Variants in IMMP2L observed in about 807,000 individuals in gnomAD.
The protein encoded by IMMP2L is mitochondrial inner membrane protease subunit 2.
IMMP2L carries 18 observed loss-of-function variants against 19.3 expected under a neutral mutation model. The observed-to-expected ratio is 0.93, with a 90% confidence interval of 0.64 to 1.38. The LOEUF is 1.38. Ranked by LOEUF, IMMP2L falls within the 40% of genes most tolerant of loss-of-function variation. IMMP2L has a pLI of 0.00. For missense variants in IMMP2L, 233 were observed against 218.2 expected (o/e 1.07, Z -0.43); for synonymous variants, 76 against 73.0 (o/e 1.04, Z -0.21).
chr7:111,188,949 T>C (rs1808571441), intron 3 of IMMP2L, among the ~76,000 whole-genome samples: 1 of 152,074 alleles, frequency 6.6e-6, no homozygotes, highest in African/African-American at 2.4e-5. Context: ...AGATCAGAAC[T>C]ACAGATATGG....
intron 5 of IMMP2L, among the ~76,000 whole-genome samples, chr7:110,694,451 T>G (rs1457767460): frequency 6.6e-6 from 1 of 152,150 alleles, no homozygotes; most frequent in Non-Finnish European, 1.5e-5. Flanking sequence ...CCAGTAAGTC[T>G]CAGGGGAAAA....
intron 3 of IMMP2L, among the ~76,000 whole-genome samples, chr7:110,993,274 T>C (rs1055610984): frequency 5.9e-5 from 9 of 152,174 alleles, no homozygotes; most frequent in African/African-American, 1.7e-4. Flanking sequence ...TCCTTCTTCC[T>C]TGCTGCCCTC....
intron 5 of IMMP2L, among the ~76,000 whole-genome samples, chr7:110,847,525 C>T (rs799620): frequency 0.54 from 81,326 of 151,842 alleles, 22,849 homozygotes; most frequent in East Asian, 0.8. Flanking sequence ...TTCAACATAA[C>T]CTCAATCAAA....
Position 111,098,701 on chromosome 7 carries a change from G to A in IMMP2L, c.240-135136C>T, listed in dbSNP as rs150316763. On this transcript the variant is annotated intron_variant, in intron 3 of 5. Coordinates refer to ENST00000405709, the MANE Select transcript of IMMP2L (RefSeq NM_032549.4). ...TTCATAACGACCGTACTAAGTAAGC[G>A]CTATGTTTAACCCATTTTACCAACG... 5.1e-4 allele frequency among the ~76,000 whole-genome samples: 77 copies of A among 151,792 alleles called. No homozygotes were observed. In the East Asian group the frequency reaches 0.012, roughly 24 times the overall value.
intron 3 of IMMP2L, among the ~76,000 whole-genome samples, chr7:111,467,835 G>A (rs1246743955): frequency 1.3e-5 from 2 of 152,082 alleles, no homozygotes; most frequent in Non-Finnish European, 2.9e-5. Context: ...AGGTCTCCAA[G>A]AAGTAGTACA....
chr7:110,810,024 T>G (rs897737697), intron 5 of IMMP2L, among the ~76,000 whole-genome samples: 2 of 152,038 alleles, frequency 1.3e-5, no homozygotes, highest in African/African-American at 4.8e-5. Flanking sequence ...GTGGCTGGTG[T>G]AAAGGCTTCC....
chr7:111,299,889 C>G (rs1392479529), intron 3 of IMMP2L, among the ~76,000 whole-genome samples: 1 of 151,348 alleles, frequency 6.6e-6, no homozygotes, highest in Non-Finnish European at 1.5e-5. Context: ...CACAAATGAA[C>G]AAGGGCTGCA....
intron 3 of IMMP2L, among the ~76,000 whole-genome samples, chr7:111,221,129 G>A (rs185657167): frequency 1.4e-4 from 21 of 152,120 alleles, no homozygotes; most frequent in African/African-American, 5.1e-4. Context: ...CAAACAAGGA[G>A]TAAAGGAAGC....
At chr7:111,547,201 T>C (rs977807765) in intron 1 of IMMP2L, among the ~76,000 whole-genome samples, 7 of 152,178 alleles carry the variant, frequency 4.6e-5, no homozygotes, top group African/African-American at 1.7e-4. Context: ...ATATCAAATA[T>C]ACTCTTATTT....
intron 5 of IMMP2L, among the ~76,000 whole-genome samples, chr7:110,790,421 A>T (rs879297391): frequency 6.6e-6 from 1 of 151,796 alleles, no homozygotes; most frequent in Non-Finnish European, 1.5e-5. Context: ...CTATATGAAG[A>T]GCAAGAGAGG....
At chr7:111,095,656 A>T (rs1797321774) in intron 3 of IMMP2L, among the ~76,000 whole-genome samples, 1 of 152,078 alleles carries the variant, frequency 6.6e-6, no homozygotes, top group African/African-American at 2.4e-5. Flanking sequence ...TAATACTGCT[A>T]TCCTTCACCT....
chr7:110,913,969 C>A (rs1813323641), intron 4 of IMMP2L, among the ~76,000 whole-genome samples: 1 of 152,088 alleles, frequency 6.6e-6, no homozygotes, highest in Non-Finnish European at 1.5e-5. Context: ...AATAATTTGG[C>A]AAACTTTCTC....
At chr7:110,815,492 G>C (rs1802420543) in intron 5 of IMMP2L, among the ~76,000 whole-genome samples, 2 of 152,132 alleles carry the variant, frequency 1.3e-5, no homozygotes, top group African/African-American at 4.8e-5. Context: ...AAATGAGTTA[G>C]GGAGGATTTC....
In IMMP2L at chr7:110,897,752, T is replaced by C. The variant is rs1811467934; in HGVS notation, c.306-11057A>G. On this transcript the variant is annotated intron_variant, in intron 4 of 5. Transcript: ENST00000405709. The stretch of plus-strand genomic sequence containing the variant: ...ATACCATGGAATGCTATATAACCCA[T>C]AAAAAGAACAAATTAGAGCCATCAA... Among the ~76,000 whole-genome samples, 3 of 152,002 alleles carry C rather than the reference T, an allele frequency of 2.0e-5. No homozygotes were observed. The South Asian group carries it at 6.2e-4, about 32-fold the overall frequency.
intron 1 of IMMP2L, among the ~76,000 whole-genome samples, chr7:111,536,782 A>G (rs925437831): frequency 3.9e-5 from 6 of 152,160 alleles, no homozygotes; most frequent in African/African-American, 9.7e-5. Context: ...TTTGAATATT[A>G]TATCAGCATA....
chr7:111,436,520 CAT>C (rs148820966), intron 3 of IMMP2L, among the ~76,000 whole-genome samples: 12 of 150,976 alleles, frequency 7.9e-5, no homozygotes, highest in South Asian at 2.1e-4. Context: ...TACACACACA[CAT>C]ACACACACAC....
intron 3 of IMMP2L, among the ~76,000 whole-genome samples, chr7:111,230,447 C>T (rs568839401): frequency 1.3e-5 from 2 of 152,114 alleles, no homozygotes; most frequent in South Asian, 4.1e-4. Flanking sequence ...ACTTAGTTTA[C>T]TCCTAATTTT....
At chr7:110,774,989 T>C (rs1799280800) in intron 5 of IMMP2L, among the ~76,000 whole-genome samples, 1 of 152,066 alleles carries the variant, frequency 6.6e-6, no homozygotes, top group Admixed American at 6.6e-5. Context: ...TAGGATGGAA[T>C]ACCATGCAGC....
intron 3 of IMMP2L, among the ~76,000 whole-genome samples, chr7:111,030,596 C>A (rs1461596775): frequency 6.6e-6 from 1 of 151,994 alleles, no homozygotes; most frequent in African/African-American, 2.4e-5. Flanking sequence ...GAGTTGCTAT[C>A]CCCAAGACTC....
Sources: allele counts gnomAD v4.1 joint callset (sites outside exome capture counted in the v4.1 genomes callset), GRCh38; gene constraint gnomAD v4.1.1; transcripts MANE v1.5; gene names NCBI Gene and HGNC (gene_info 2026-07-23, HGNC 2026-07-21).